SMOC1: variants seen among roughly 807,000 people sequenced by gnomAD.
The protein encoded by SMOC1 is SPARC-related modular calcium-binding protein 1.
A neutral mutation model predicts 56.3 loss-of-function variants in SMOC1; 22 were observed. The observed-to-expected ratio is 0.39, with a 90% CI of 0.28 to 0.56. SMOC1 has a LOEUF of 0.56. Ranked by LOEUF, SMOC1 falls within the 20% of genes least tolerant of loss-of-function variation. The probability of loss-of-function intolerance (pLI) is 0.61; values close to 1 mark genes in which losing one functional copy is unlikely to be tolerated. For missense variants in SMOC1, 509 were observed against 565.4 expected (o/e 0.90, Z 1.01); for synonymous variants, 193 against 215.0 (o/e 0.90, Z 0.89).
intron 5 of SMOC1, among the ~76,000 whole-genome samples, chr14:69,988,797 C>T (rs1401072028): frequency 6.6e-6 from 1 of 152,174 alleles, no homozygotes; most frequent in Non-Finnish European, 1.5e-5. Flanking sequence ...TGGAATCATA[C>T]AACATGTGGT....
chr14:70,010,865 C>T lies in SMOC1; in HGVS notation c.776C>T (p.Pro259Leu). The change falls in exon 8 of 12, where the codon CCA (proline) becomes CTA (leucine). Residue 259 changes from proline (P) to leucine (L), a missense_variant. Pro to Leu is a moderately conservative substitution (Grantham distance 98). Transcript: ENST00000361956. ...TGTGCCCCTGGGGGACTCTATAAGCCAGTGCAATGCCACCAGTCCACTGGC... is the reference window on the plus strand; with the variant it reads ...TGTGCCCCTGGGGGACTCTATAAGCTAGTGCAATGCCACCAGTCCACTGGC... ...PECAPGGLYK[P>L]VQCHQSTGYC... is the part of the protein sequence containing the mutation. The T allele has an allele frequency of 6.2e-7, 1 of 1,614,062 alleles. No individual in the cohort carries two copies.
At chr14:69,923,138 G>C (rs892595862) in intron 1 of SMOC1, among the ~76,000 whole-genome samples, 3 of 151,656 alleles carry the variant, frequency 2.0e-5, no homozygotes, top group Non-Finnish European at 4.4e-5. Flanking sequence ...GTAGAGACGG[G>C]GTTTCACAGT....
chr14:69,999,672 G>A (rs990379189), intron 7 of SMOC1, among the ~76,000 whole-genome samples: 4 of 152,196 alleles, frequency 2.6e-5, no homozygotes, highest in Non-Finnish European at 4.4e-5. Context: ...GATGGGGGAT[G>A]GGTGGTCATC....
chr14:69,931,223 G>A (rs534263257), intron 1 of SMOC1, among the ~76,000 whole-genome samples: 1 of 152,228 alleles, frequency 6.6e-6, no homozygotes, highest in Non-Finnish European at 1.5e-5. Flanking sequence ...ACGCATGGCC[G>A]TTTTATTCAG....
At chr14:70,015,654 A>G (rs1161465990) in intron 10 of SMOC1, among the ~76,000 whole-genome samples, 3 of 152,022 alleles carry the variant, frequency 2.0e-5, no homozygotes, top group African/African-American at 7.2e-5. Context: ...CACAGCACTA[A>G]GTCTGAGAAA....
intron 6 of SMOC1, 50 bp from the exon 7 acceptor site, chr14:69,994,348 TCA>T: frequency 7.1e-7 from 1 of 1,407,582 alleles, no homozygotes. Flanking sequence ...ACACTTCCAC[TCA>T]CATAGTCTCT....
At position 69,916,968 on chromosome 14, in the gene SMOC1, A is replaced by C. The variant is rs183078476; in HGVS notation, c.100-35170A>C. On this transcript the variant is annotated intron_variant, in intron 1 of 11. Coordinates refer to ENST00000361956, the MANE Select transcript of SMOC1 (RefSeq NM_001034852.3). Reference sequence around the variant, plus strand: ...ATGCTGGAAGCATGCTGAGTGGATGAATTCTCATTTCTCAGACTGACCATG... The same window carrying C: ...ATGCTGGAAGCATGCTGAGTGGATGCATTCTCATTTCTCAGACTGACCATG... 2.2e-4 allele frequency among the ~76,000 whole-genome samples: 33 copies of C among 152,334 alleles called. 1 individual carries two copies. The highest frequency in any genetic ancestry group is 1.5e-3 in the Admixed American group (23 of 15,298).
At chr14:69,960,267 A>C (rs1446406366) in intron 3 of SMOC1, among the ~76,000 whole-genome samples, 1 of 152,196 alleles carries the variant, frequency 6.6e-6, no homozygotes, top group Non-Finnish European at 1.5e-5. Context: ...TGCCTAGAGC[A>C]ACAGTTTGGC....
intron 1 of SMOC1, among the ~76,000 whole-genome samples, chr14:69,911,972 C>T (rs73289023): frequency 0.025 from 3,807 of 152,230 alleles, 142 homozygotes; most frequent in African/African-American, 0.085. Flanking sequence ...CCCCACCATC[C>T]ATGTATGAGG....
intron 11 of SMOC1, among the ~76,000 whole-genome samples, chr14:70,024,152 G>A (rs539929085): frequency 6.6e-6 from 1 of 152,108 alleles, no homozygotes; most frequent in African/African-American, 2.4e-5. Context: ...TAATTCATTG[G>A]CTGGAACTCA....
chr14:69,920,711 A>G (rs529593136), intron 1 of SMOC1, among the ~76,000 whole-genome samples: 201 of 152,326 alleles, frequency 1.3e-3, no homozygotes, highest in African/African-American at 4.6e-3. Context: ...ATAAAACTTT[A>G]CGTGGGATAA....
chr14:69,966,155 T>C (rs184923349), intron 3 of SMOC1, among the ~76,000 whole-genome samples: 266 of 152,258 alleles, frequency 1.7e-3, no homozygotes, highest in African/African-American at 6.0e-3. Context: ...GACTTTCTTA[T>C]TATGTACTTT....
intron 1 of SMOC1, among the ~76,000 whole-genome samples, chr14:69,903,981 G>C (rs1457481333): frequency 2.6e-5 from 4 of 151,954 alleles, no homozygotes; most frequent in African/African-American, 9.7e-5. Context: ...AAGTCCCCTA[G>C]CTGCCCCACA....
At chr14:69,968,139 C>A (rs1057020021) in intron 3 of SMOC1, among the ~76,000 whole-genome samples, 1 of 152,218 alleles carries the variant, frequency 6.6e-6, no homozygotes, top group Admixed American at 6.5e-5. Context: ...CCCAAACTCT[C>A]ACGTAGAAAA....
At chr14:69,996,369 G>A (rs2033951082) in intron 7 of SMOC1, among the ~76,000 whole-genome samples, 1 of 152,220 alleles carries the variant, frequency 6.6e-6, no homozygotes, top group African/African-American at 2.4e-5. Flanking sequence ...AGAGTCAGAG[G>A]CTGAGACAGA....
chr14:69,902,429 A>G (rs1446190048), intron 1 of SMOC1, among the ~76,000 whole-genome samples: 1 of 152,094 alleles, frequency 6.6e-6, no homozygotes, highest in Admixed American at 6.5e-5. Flanking sequence ...GATGGGGTCT[A>G]TTTCCACACC....
intron 1 of SMOC1, among the ~76,000 whole-genome samples, chr14:69,915,500 A>G (rs545652274): frequency 1.3e-5 from 2 of 152,256 alleles, no homozygotes; most frequent in East Asian, 3.9e-4. Flanking sequence ...CAAACCTATT[A>G]TAATTTCTAC....
chr14:69,993,285 TAGAG>T (rs1042085060), intron 6 of SMOC1, among the ~76,000 whole-genome samples: 2 of 151,966 alleles, frequency 1.3e-5, no homozygotes, highest in Admixed American at 6.6e-5. Context: ...TCTGGAGGCA[TAGAG>T]AGAGGATAGG....
At chr14:69,956,099 A>G (rs569746546) in intron 3 of SMOC1, among the ~76,000 whole-genome samples, 1 of 152,302 alleles carries the variant, frequency 6.6e-6, no homozygotes, top group Non-Finnish European at 1.5e-5. Flanking sequence ...AGGGAAAGGA[A>G]CTTCCAGATT....
Sources: allele counts gnomAD v4.1 joint callset (sites outside exome capture counted in the v4.1 genomes callset), GRCh38; gene constraint gnomAD v4.1.1; transcripts MANE v1.5; gene names NCBI Gene and HGNC (gene_info 2026-07-23, HGNC 2026-07-21).